XPO7: variants seen among roughly 807,000 people sequenced by gnomAD.
XPO7 encodes the protein exportin 7.
In XPO7, 21 loss-of-function variants were observed where a neutral mutation model predicts 144.3. That is an observed-to-expected ratio of 0.15 (90% CI 0.10 to 0.21). The LOEUF (loss-of-function observed/expected upper bound fraction) is 0.21. Among genes scored for constraint, XPO7 ranks in the 10% least tolerant of loss-of-function variants. XPO7 has a pLI of 1.00. For synonymous variants in XPO7, 580 were observed against 499.6 expected, an observed-to-expected ratio of 1.16 and a Z score of -2.15; for missense variants, 808 against 1,325.8, an observed-to-expected ratio of 0.61 and a Z score of 6.06.
At chr8:21,987,046 G>T in intron 13 of XPO7, 95 bp from the exon 14 acceptor site, 4 of 1,559,468 alleles carry the variant, frequency 2.6e-6, no homozygotes, top group Non-Finnish European at 3.5e-6. Context: ...CTGTACCCAA[G>T]TACAGGCATA....
Position 21,982,730 on chromosome 8 carries a change from C to A in XPO7, c.1195C>A (p.Pro399Thr). ...TGTGCCGTATGTCAAAGCCACAGAGCCCCACATGCTGGAAACTTACACTCC... is the reference window on the plus strand; with the variant it reads ...TGTGCCGTATGTCAAAGCCACAGAGACCCACATGCTGGAAACTTACACTCC... Reference protein sequence around the residue: ...ASVPYVKATEPHMLETYTPEV... With the variant: ...ASVPYVKATETHMLETYTPEV... The change falls in exon 11 of 28, where the codon CCC (proline) becomes ACC (threonine). Residue 399 changes from proline to threonine, a missense_variant. Coordinates refer to ENST00000252512, the MANE Select transcript of XPO7 (RefSeq NM_015024.5). 6.2e-7 allele frequency: 1 copy of A among 1,613,956 alleles called. No individual in the cohort carries two copies. Among genetic ancestry groups the A allele is most frequent in the Non-Finnish European group, 8.5e-7 (1 of 1,179,876 alleles).
At chr8:21,950,307 G>A (rs532085766) in intron 1 of XPO7, among the ~76,000 whole-genome samples, 147 of 152,246 alleles carry the variant, frequency 9.7e-4, no homozygotes, top group African/African-American at 3.4e-3. Flanking sequence ...TTTCATAGAC[G>A]TTCAAGGACA....
chr8:21,940,519 G>A (rs937451318), intron 1 of XPO7, among the ~76,000 whole-genome samples: 1 of 151,740 alleles, frequency 6.6e-6, no homozygotes, highest in African/African-American at 2.4e-5. Context: ...ACCCAGGCTG[G>A]AGTGCGGTGG....
intron 1 of XPO7, among the ~76,000 whole-genome samples, chr8:21,923,277 G>A (rs564869137): frequency 6.6e-6 from 1 of 152,264 alleles, no homozygotes; most frequent in Non-Finnish European, 1.5e-5. Flanking sequence ...ATCCAATTCT[G>A]ATGCTCTTTT....
chr8:21,919,739 G>A lies in XPO7; in HGVS notation c.-32G>A, dbSNP rs754372390. The A allele has an allele frequency of 2.4e-6, 1 of 413,136 alleles. No homozygotes were observed. Among genetic ancestry groups the A allele is most frequent in the Admixed American group, 6.0e-5 (1 of 16,706 alleles). 25.6% of individuals were successfully genotyped at this position (413,136 alleles called of 1,614,324 possible). On this transcript the variant is annotated 5_prime_UTR_variant, in exon 1 of 28. Transcript: ENST00000252512. ...GGCCGAGGTGCGCGCTGGGGGGGAG[G>A]GGGGGCCGGAGAGGAGCATGAATGG...
chr8:21,921,850 G>C (rs1415720606), intron 1 of XPO7, among the ~76,000 whole-genome samples: 2 of 152,156 alleles, frequency 1.3e-5, no homozygotes, highest in Non-Finnish European at 2.9e-5. Flanking sequence ...TCCCTTTAGA[G>C]AGAATGGGAC....
chr8:21,994,739 A>G (rs1460531758), intron 20 of XPO7, among the ~76,000 whole-genome samples: 3 of 152,148 alleles, frequency 2.0e-5, no homozygotes, highest in African/African-American at 4.8e-5. Context: ...CTATATTTAG[A>G]GAGATGTTTC....
chr8:21,920,315 C>T (rs914085264), intron 1 of XPO7, among the ~76,000 whole-genome samples: 27 of 152,182 alleles, frequency 1.8e-4, no homozygotes, highest in African/African-American at 6.3e-4. Context: ...CCCCGGCCTC[C>T]TTCCCCCTCC....
intron 1 of XPO7, among the ~76,000 whole-genome samples, chr8:21,921,948 C>T (rs1390646616): frequency 6.6e-6 from 1 of 152,090 alleles, no homozygotes; most frequent in East Asian, 1.9e-4. Flanking sequence ...GGCAGAAAAC[C>T]TTCTTATGAA....
Position 21,969,465 on chromosome 8 carries a change from T to G in XPO7, c.166-18T>G, listed in dbSNP as rs374501775. The G allele has an allele frequency of 1.0e-4, 166 of 1,605,184 alleles. No individual in the cohort carries two copies. The highest frequency in any genetic ancestry group is 1.4e-4 in the Non-Finnish European group (159 of 1,173,098). On this transcript the variant is annotated intron_variant, in intron 2 of 27. Transcript: ENST00000252512. ...TACTCAATACAATTTTAAGTCCTTT[T>G]TCCCTCTCTTTTCACAGTCCTCTTA...
At chr8:21,948,297 C>T (rs1471298430) in intron 1 of XPO7, among the ~76,000 whole-genome samples, 3 of 152,174 alleles carry the variant, frequency 2.0e-5, no homozygotes, top group Non-Finnish European at 2.9e-5. Flanking sequence ...CATAGCACAA[C>T]ATATTACTTT....
At chr8:21,947,977 A>C (rs1042529841) in intron 1 of XPO7, among the ~76,000 whole-genome samples, 2 of 152,244 alleles carry the variant, frequency 1.3e-5, no homozygotes, top group Non-Finnish European at 1.5e-5. Context: ...GAAAGCCCAG[A>C]GGAAGAAGGA....
intron 16 of XPO7, 134 bp downstream of exon 16, chr8:21,989,217 C>A: frequency 1.2e-6 from 1 of 844,834 alleles, no homozygotes; most frequent in South Asian, 1.9e-5. Flanking sequence ...TCCTAGGAGT[C>A]CAAAAAAACG....
At chr8:22,004,563 A>G (rs547395450) in intron 27 of XPO7, among the ~76,000 whole-genome samples, 1 of 152,312 alleles carries the variant, frequency 6.6e-6, no homozygotes, top group South Asian at 2.1e-4. Flanking sequence ...GGGGAGCTGA[A>G]TGTTAAATTG....
intron 23 of XPO7, 89 bp from the exon 24 acceptor site, chr8:21,999,447 T>C: frequency 6.3e-7 from 1 of 1,582,394 alleles, no homozygotes. Context: ...TTTTCCCACC[T>C]AAAAGGAGCT....
intron 4 of XPO7, among the ~76,000 whole-genome samples, chr8:21,970,964 G>C (rs1006900686): frequency 2.0e-5 from 3 of 152,076 alleles, no homozygotes; most frequent in Non-Finnish European, 4.4e-5. Context: ...CTCACTCACT[G>C]ACTCACCCAG....
chr8:21,954,875 A>C (rs904630893), intron 1 of XPO7, among the ~76,000 whole-genome samples: 2 of 152,214 alleles, frequency 1.3e-5, no homozygotes, highest in Non-Finnish European at 2.9e-5. Context: ...TATGGTAAAC[A>C]TCACTATTTG....
intron 1 of XPO7, among the ~76,000 whole-genome samples, chr8:21,941,761 T>C (rs1339234506): frequency 1.3e-5 from 2 of 152,206 alleles, no homozygotes; most frequent in African/African-American, 4.8e-5. Flanking sequence ...TCACAGACTC[T>C]ATTTTCTAGG....
intron 24 of XPO7, among the ~76,000 whole-genome samples, 166 bp downstream of exon 24, chr8:21,999,840 A>C (rs1235356309): frequency 6.6e-6 from 1 of 152,104 alleles, no homozygotes; most frequent in African/African-American, 2.4e-5. Context: ...TCCAGCACAC[A>C]CTCACTGATT....
Sources: gnomAD v4.1 joint callset for allele counts (sites outside exome capture counted in the v4.1 genomes callset) on GRCh38, gnomAD v4.1.1 for gene constraint, MANE v1.5 for transcripts, NCBI Gene and HGNC (gene_info 2026-07-23, HGNC 2026-07-21) for gene names.